EYS: variants seen among roughly 807,000 people sequenced by gnomAD.
EYS encodes protein eyes shut homolog.
In EYS, 250 loss-of-function variants were observed where a neutral mutation model predicts 282.1. That is an observed-to-expected ratio of 0.89 (90% confidence interval 0.80 to 0.98). EYS has a LOEUF of 0.98. Among genes scored for constraint, EYS ranks in the 50% least tolerant of loss-of-function variants. The probability of loss-of-function intolerance (pLI) is 0.00; values close to 1 mark genes in which losing one functional copy is unlikely to be tolerated. For missense variants in EYS, 4,016 were observed against 3,709.0 expected (o/e 1.08, Z -2.15); for synonymous variants, 1,355 against 1,282.9 (o/e 1.06, Z -1.20).
At chr6:65,504,177 T>C (rs1222849604) in intron 2 of EYS, among the ~76,000 whole-genome samples, 2 of 151,358 alleles carry the variant, frequency 1.3e-5, no homozygotes, top group African/African-American at 2.4e-5. Flanking sequence ...TTTGTAGGTA[T>C]ATACCCAATT....
At chr6:64,193,391 A>G (rs1032386639) in intron 31 of EYS, among the ~76,000 whole-genome samples, 3 of 151,796 alleles carry the variant, frequency 2.0e-5, no homozygotes, top group Admixed American at 6.6e-5. Flanking sequence ...GCTCACTACA[A>G]GCTCTGCCTC....
intron 30 of EYS, among the ~76,000 whole-genome samples, chr6:64,281,635 G>T (rs572130501): frequency 1.2e-3 from 187 of 152,198 alleles, no homozygotes; most frequent in Non-Finnish European, 2.5e-3. Context: ...TTCAATGGCT[G>T]AAAATCTTTT....
intron 31 of EYS, among the ~76,000 whole-genome samples, chr6:64,218,348 G>A (rs1765995465): frequency 7.7e-6 from 1 of 129,700 alleles, no homozygotes; most frequent in Middle Eastern, 4.2e-3. Context: ...CAACTCAGAA[G>A]TTTCTTTCTT....
intron 2 of EYS, among the ~76,000 whole-genome samples, chr6:65,504,067 G>T (rs1766561132): frequency 1.3e-5 from 2 of 151,314 alleles, no homozygotes; most frequent in Non-Finnish European, 3.0e-5. Flanking sequence ...TTATATTGAG[G>T]CTCCCAATCA....
chr6:63,990,116 TG>T (rs1767540108), intron 34 of EYS, among the ~76,000 whole-genome samples: 1 of 151,652 alleles, frequency 6.6e-6, no homozygotes, highest in Non-Finnish European at 1.5e-5. Context: ...AAGAAGTATG[TG>T]GGATTACTCT....
intron 26 of EYS, among the ~76,000 whole-genome samples, chr6:64,509,394 C>T (rs1777312848): frequency 6.6e-6 from 1 of 152,074 alleles, no homozygotes; most frequent in Non-Finnish European, 1.5e-5. Flanking sequence ...TGGCTACTCA[C>T]AGAATTCCTC....
At chr6:63,795,549 A>T (rs2149673992) in intron 37 of EYS, among the ~76,000 whole-genome samples, 1 of 152,338 alleles carries the variant, frequency 6.6e-6, no homozygotes. Context: ...GGGAGCAAAT[A>T]TGAAAAAATG....
chr6:65,573,315 G>A (rs908734503), intron 2 of EYS, among the ~76,000 whole-genome samples: 1 of 152,156 alleles, frequency 6.6e-6, no homozygotes. Flanking sequence ...TACAAGCAAA[G>A]AAGAAATGTA....
chr6:65,004,015 T>A (rs1771554237), intron 13 of EYS, among the ~76,000 whole-genome samples: 1 of 147,234 alleles, frequency 6.8e-6, no homozygotes, highest in Non-Finnish European at 1.5e-5. Flanking sequence ...TTTCTTCCTG[T>A]CTTTTTCCTC....
intron 29 of EYS, among the ~76,000 whole-genome samples, chr6:64,313,494 C>A (rs1252542122): frequency 1.3e-5 from 2 of 152,074 alleles, no homozygotes; most frequent in East Asian, 1.9e-4. Flanking sequence ...CCCAACCTAA[C>A]AAGGCGGATC....
intron 7 of EYS, among the ~76,000 whole-genome samples, chr6:65,393,923 A>G (rs1282784229): frequency 2.6e-5 from 4 of 152,308 alleles, no homozygotes. Context: ...AGGAGAAAAT[A>G]AAAGGCTTAG....
intron 14 of EYS, among the ~76,000 whole-genome samples, chr6:64,994,965 T>G (rs1249747105): frequency 6.6e-6 from 1 of 152,084 alleles, no homozygotes; most frequent in Non-Finnish European, 1.5e-5. Context: ...ACCTCTGAAT[T>G]TGGAATATCC....
intron 28 of EYS, among the ~76,000 whole-genome samples, chr6:64,416,474 G>A (rs887422247): frequency 6.6e-6 from 1 of 150,514 alleles, no homozygotes; most frequent in Non-Finnish European, 1.5e-5. Flanking sequence ...GTATGTGAAT[G>A]CATCTCTGCA....
At chr6:63,738,937 A>G (rs1769001854) in intron 41 of EYS, among the ~76,000 whole-genome samples, 1 of 152,118 alleles carries the variant, frequency 6.6e-6, no homozygotes, top group Non-Finnish European at 1.5e-5. Flanking sequence ...GATCGTTGCT[A>G]CATACTGATT....
intron 26 of EYS, among the ~76,000 whole-genome samples, chr6:64,470,375 T>C (rs1776086037): frequency 6.6e-6 from 1 of 152,154 alleles, no homozygotes; most frequent in Non-Finnish European, 1.5e-5. Flanking sequence ...GGGAAACAGT[T>C]GATAATCTGA....
intron 12 of EYS, among the ~76,000 whole-genome samples, chr6:65,121,543 G>T (rs1775550633): frequency 6.6e-6 from 1 of 152,012 alleles, no homozygotes; most frequent in Non-Finnish European, 1.5e-5. Flanking sequence ...AATCCTATCA[G>T]GACATGATTT....
intron 7 of EYS, among the ~76,000 whole-genome samples, chr6:65,397,591 TG>T (rs1766334149): frequency 3.1e-5 from 1 of 32,660 alleles, no homozygotes; most frequent in Admixed American, 2.1e-4. Flanking sequence ...ATGGTGTGTG[TG>T]TGTGTGTGTG....
chr6:64,488,321 C>G (rs1479979019), intron 26 of EYS, among the ~76,000 whole-genome samples: 1 of 150,904 alleles, frequency 6.6e-6, no homozygotes, highest in Non-Finnish European at 1.5e-5. Context: ...TTCAGAATCA[C>G]TCCAGATATA....
At chr6:64,743,600 C>A (rs1412187455) in intron 22 of EYS, among the ~76,000 whole-genome samples, 2 of 152,024 alleles carry the variant, frequency 1.3e-5, no homozygotes, top group East Asian at 3.8e-4. Context: ...CAGTAAAAGA[C>A]ATTTTTCATC....
Sources: allele counts gnomAD v4.1 joint callset (sites outside exome capture counted in the v4.1 genomes callset), GRCh38; gene constraint gnomAD v4.1.1; transcripts MANE v1.5; gene names NCBI Gene and HGNC (gene_info 2026-07-23, HGNC 2026-07-21).